The following SLCO4A1 variants were observed in gnomAD, a reference collection of about 807,000 sequenced individuals.
The protein encoded by SLCO4A1 is solute carrier organic anion transporter family member 4A1.
A neutral mutation model predicts 64.6 loss-of-function variants in SLCO4A1; 51 were observed. That is an observed-to-expected ratio of 0.79 (90% CI 0.63 to 1.00). The LOEUF (loss-of-function observed/expected upper bound fraction) is 1.00. Among genes scored for constraint, SLCO4A1 ranks in the 50% least tolerant of loss-of-function variants. The pLI is 0.00. For synonymous variants in SLCO4A1, 471 were observed against 444.9 expected, an observed-to-expected ratio of 1.06 and a Z score of -0.74; for missense variants, 919 against 980.5, an observed-to-expected ratio of 0.94 and a Z score of 0.84.
intron 1 of SLCO4A1, among the ~76,000 whole-genome samples, chr20:62,648,230 G>C (rs1310837652): frequency 6.6e-6 from 1 of 152,282 alleles, no homozygotes; most frequent in African/African-American, 2.4e-5. Context: ...AAGCTCCCAG[G>C]GAAAGGGCAG....
chr20:62,675,085 G>A (rs1205359272), downstream of SLCO4A1, among the ~76,000 whole-genome samples: 3 of 152,166 alleles, frequency 2.0e-5, no homozygotes, highest in Admixed American at 1.3e-4. Context: ...GAAGAGAAAC[G>A]CCCCGAGCTG....
rs1231852870 is a variant in SLCO4A1 at position 62,661,903 on chromosome 20, G to T, written c.1121+728G>T. ...CCGGGCCCTCCCGGCCTCTCCTGGG[G>T]ATCATGCCTTCCCTGGGGGGCTCTC... On this transcript the variant is annotated intron_variant, in intron 5 of 11. Coordinates refer to ENST00000217159, the MANE Select transcript of SLCO4A1 (RefSeq NM_016354.4). The surrounding 1 kb of genome is among the most constrained non-coding windows in gnomAD (Gnocchi z 5.2). Among the ~76,000 whole-genome samples the T allele has an allele frequency of 6.6e-6, 1 of 152,092 alleles. No individual in the cohort carries two copies. The highest frequency in any genetic ancestry group is 3.2e-3 in the Middle Eastern group (1 of 316).
At chr20:62,666,127 T>TCCCCTTCCCCTTCCCCTC (rs1986267107) in intron 6 of SLCO4A1, 1 of 39,496 alleles carries the variant, frequency 2.5e-5, no homozygotes, top group Non-Finnish European at 4.8e-5. Context: ...CGCTCCCCCT[T>TCCCCTTCCCCTTCCCCTC]CCCCTTCCCC....
At chr20:62,659,668 C>T (rs367583485) in intron 3 of SLCO4A1, among the ~76,000 whole-genome samples, 8 of 152,350 alleles carry the variant, frequency 5.3e-5, no homozygotes, top group South Asian at 2.1e-4. Flanking sequence ...CGGAGGCGGC[C>T]GCAGCATTTC....
At chr20:62,669,552 G>A (rs902754760) in intron 11 of SLCO4A1, among the ~76,000 whole-genome samples, 4 of 152,182 alleles carry the variant, frequency 2.6e-5, no homozygotes, top group Non-Finnish European at 5.9e-5. Context: ...TCTTAGTCTG[G>A]CCCTCATTTT....
intron 1 of SLCO4A1, chr20:62,643,103 G>A: frequency 2.2e-6 from 1 of 453,170 alleles, no homozygotes; most frequent in Non-Finnish European, 4.6e-6. Context: ...CGCCAGAGGC[G>A]CTCGAGACAT....
chr20:62,658,934 G>C (rs1416241135), intron 3 of SLCO4A1, among the ~76,000 whole-genome samples, 167 bp downstream of exon 3: 3 of 152,234 alleles, frequency 2.0e-5, no homozygotes, highest in Non-Finnish European at 2.9e-5. Context: ...GGAGGACTCG[G>C]AGGATCTGTA....
chr20:62,651,894 G>C (rs1260217840), intron 1 of SLCO4A1: 1 of 152,282 alleles, frequency 6.6e-6, no homozygotes, highest in South Asian at 2.1e-4. Flanking sequence ...GGCGTTGAGC[G>C]GGTGTTTCAC....
Position 62,685,437 on chromosome 20 carries a change from TAAGG to T in SLCO4A1, n.212_215del. On this transcript the variant is annotated splice_acceptor_variant and splice_polypyrimidine_tract_variant and non_coding_transcript_exon_variant and intron_variant, in exon 3 of 3. Coordinates refer to the SLCO4A1 transcript ENST00000466818. This position sits in a 1 kb window ranked among gnomAD's most constrained non-coding sequence, Gnocchi z 4.6. ...CTTGCTTTGTTTGTTGTTTTTTTCT[TAAGG>T]AAGAAGAGAATGAATTTAGAAGGCT... 1 of 985,166 alleles carries T rather than the reference TAAGG, an allele frequency of 1.0e-6. No individual in the cohort carries two copies. 61.0% of individuals were successfully genotyped at this position (985,166 alleles called of 1,614,324 possible).
intron 1 of SLCO4A1, among the ~76,000 whole-genome samples, chr20:62,654,332 T>C (rs1258933884): frequency 1.3e-5 from 2 of 152,210 alleles, no homozygotes; most frequent in East Asian, 1.9e-4. Flanking sequence ...TTTTTCCAAA[T>C]AAGGTCATGC....
downstream of SLCO4A1, among the ~76,000 whole-genome samples, chr20:62,676,460 AG>A (rs1479100438): frequency 6.6e-6 from 1 of 152,208 alleles, no homozygotes; most frequent in Non-Finnish European, 1.5e-5. Context: ...CAACAATGAA[AG>A]GATGATCCAA....
intron 3 of SLCO4A1, 78 bp from the exon 4 acceptor site, chr20:62,660,334 C>G: frequency 1.3e-6 from 2 of 1,538,218 alleles, no homozygotes; most frequent in Non-Finnish European, 1.8e-6. Flanking sequence ...GAGGAGGGGC[C>G]AGCAGCCCCC....
In SLCO4A1 at chr20:62,656,470, C is replaced by A. The variant is rs759844487; in HGVS notation, c.16C>A (p.Leu6Met). Residue 6 changes from leucine to methionine, a missense_variant, in exon 2 of 12, where the codon CTG becomes ATG. Leu to Met is a conservative substitution (Grantham distance 15). Coordinates refer to ENST00000217159, the MANE Select transcript of SLCO4A1 (RefSeq NM_016354.4). ...AGGCGCGGAGATGCCCCTGCATCAG[C>A]TGGGGGACAAGCCGCTCACCTTCCC... The part of the protein sequence containing the change: MPLHQ[L>M]GDKPLTFPSP... 4.7e-5 allele frequency: 71 copies of A among 1,497,112 alleles called. No individual in the cohort carries two copies. The highest frequency in any genetic ancestry group is 6.2e-5 in the Non-Finnish European group (70 of 1,123,212). The allele number at this position is 1,497,112 out of a possible 1,614,324, so 92.7% of individuals were successfully genotyped here. A position where few individuals can be genotyped will look rare whatever the true frequency, so the allele number is the denominator to read the frequency against.
chr20:62,646,717 A>G (rs1012877170), intron 1 of SLCO4A1, among the ~76,000 whole-genome samples: 2 of 152,196 alleles, frequency 1.3e-5, no homozygotes, highest in African/African-American at 4.8e-5. Context: ...GCTCATTCTC[A>G]TTCTCATGAT....
chr20:62,671,917 A>G lies in SLCO4A1; in HGVS notation c.*24A>G, dbSNP rs373403901. 5.0e-6 allele frequency: 8 copies of G among 1,606,832 alleles called. No homozygotes were observed. Among genetic ancestry groups the G allele is most frequent in the Admixed American group, 1.7e-5 (1 of 60,004 alleles). The stretch of plus-strand genomic sequence containing the variant: ...GACCACCGCCCGCGCCCACCCGGCC[A>G]CGGCGGGCACTCAGCATTTCCTGAT... On this transcript the variant is annotated 3_prime_UTR_variant, in exon 12 of 12. Transcript: ENST00000217159.
rs534138350 is a variant in SLCO4A1 at position 62,666,541 on chromosome 20, C to T, written c.1438C>T (p.Pro480Ser). 3 of 1,613,108 alleles carry T rather than the reference C, an allele frequency of 1.9e-6. No individual in the cohort carries two copies. The highest frequency in any genetic ancestry group is 2.2e-5 in the East Asian group (1 of 44,880). ...CTTCTCACTGCACTGCCCCAGTGTG[C>T]CCATGGCGGGCGTCACAGCCAGCTA... The part of the protein sequence containing the change: ...LVFSLHCPSV[P>S]MAGVTASYGG... The change falls in exon 7 of 12, where the codon CCC becomes TCC. Residue 480 changes from proline (P) to serine (S), a missense_variant. By Grantham distance (74) the Pro-to-Ser change is moderately conservative. Transcript: ENST00000217159.
intron 5 of SLCO4A1, among the ~76,000 whole-genome samples, chr20:62,662,190 A>C (rs984917531): frequency 6.6e-6 from 1 of 152,064 alleles, no homozygotes; most frequent in Admixed American, 6.5e-5. Context: ...GGCAGAGAGG[A>C]GCAGGGCTGG....
At chr20:62,677,361 C>T (rs143777218) in intron 2 of SLCO4A1, among the ~76,000 whole-genome samples, 50 of 152,336 alleles carry the variant, frequency 3.3e-4, no homozygotes, top group African/African-American at 1.1e-3. Flanking sequence ...CTGCCCTGTG[C>T]TTTCACTCCT....
At position 62,666,560 on chromosome 20, in the gene SLCO4A1, C is replaced by T; in HGVS notation, c.1457C>T (p.Ala486Val). ...AGTGTGCCCATGGCGGGCGTCACAG[C>T]CAGCTACGGCGGGAGGTGAGGGCCA... ...CPSVPMAGVT[A>V]SYGGSLLPEG... The change falls in exon 7 of 12, where the codon GCC becomes GTC. Residue 486 changes from alanine to valine, a missense_variant. Ala to Val is a moderately conservative substitution (Grantham distance 64, BLOSUM62 0). Transcript: ENST00000217159. 1 of 1,612,468 alleles carries T rather than the reference C, an allele frequency of 6.2e-7. No homozygotes were observed. The highest frequency in any genetic ancestry group is 8.5e-7 in the Non-Finnish European group (1 of 1,179,888).
Sources: gnomAD v4.1 joint callset for allele counts (sites outside exome capture counted in the v4.1 genomes callset) on GRCh38, gnomAD v4.1.1 for gene constraint, Gnocchi (gnomAD v3.1) non-coding constraint, MANE v1.5 for transcripts, NCBI Gene and HGNC (gene_info 2026-07-23, HGNC 2026-07-21) for gene names.